Variants in SV2C observed in about 807,000 individuals in gnomAD.
SV2C encodes the protein synaptic vesicle glycoprotein 2C, also known as solute carrier family 22 member B3.
A neutral mutation model predicts 79.7 loss-of-function variants in SV2C; 49 were observed. The observed-to-expected ratio is 0.61, with a 90% CI of 0.49 to 0.78. The LOEUF (loss-of-function observed/expected upper bound fraction) is 0.78. SV2C is among the 30% of genes least tolerant of loss of function. The pLI, the probability that SV2C is intolerant of heterozygous loss-of-function variation, is 0.00. For synonymous variants in SV2C, 334 were observed against 333.2 expected, an observed-to-expected ratio of 1.00 and a Z score of -0.03; for missense variants, 833 against 912.9, an observed-to-expected ratio of 0.91 and a Z score of 1.13.
the SV2C span, among the ~76,000 whole-genome samples, chr5:75,999,391 G>GAC: frequency 2.2e-5 from 1 of 45,418 alleles, no homozygotes; most frequent in Non-Finnish European, 6.7e-5. Flanking sequence ...GAGAGAGAGA[G>GAC]AGAGAGAGAG....
At chr5:76,296,068 T>G in intron 9 of SV2C, 126 bp downstream of exon 9, 1 of 894,106 alleles carries the variant, frequency 1.1e-6, no homozygotes, top group Non-Finnish European at 1.6e-6. Context: ...TTTAGTCATT[T>G]TCATGATGAA....
At chr5:76,040,524 A>G in the SV2C span, among the ~76,000 whole-genome samples, 1 of 152,256 alleles carries the variant, frequency 6.6e-6, no homozygotes, top group South Asian at 2.1e-4. Flanking sequence ...GAAGTACAAT[A>G]TTAAATTCTG....
At chr5:76,308,725 C>T (rs919001042) in intron 12 of SV2C, among the ~76,000 whole-genome samples, 2 of 152,198 alleles carry the variant, frequency 1.3e-5, no homozygotes, top group East Asian at 3.8e-4. Context: ...CATCCCCAAG[C>T]TCCCTAGCAG....
the SV2C span, among the ~76,000 whole-genome samples, chr5:75,991,566 GATATATATATATATATATACACAC>G: frequency 1.4e-5 from 2 of 140,380 alleles, no homozygotes; most frequent in African/African-American, 5.3e-5. Context: ...TTCTTAGCAA[GATATATATATATATATATACACAC>G]ATATATATAT....
the SV2C span, among the ~76,000 whole-genome samples, chr5:75,886,562 T>A: frequency 6.6e-6 from 1 of 152,192 alleles, no homozygotes; most frequent in Non-Finnish European, 1.5e-5. Flanking sequence ...CCCTTTTGCT[T>A]GCTAAGATCC....
At chr5:76,041,349 C>T in the SV2C span, among the ~76,000 whole-genome samples, 1 of 152,148 alleles carries the variant, frequency 6.6e-6, no homozygotes, top group Middle Eastern at 3.2e-3. Flanking sequence ...CAAAGGGCCT[C>T]ATGCACATGT....
At chr5:76,018,340 T>G in the SV2C span, among the ~76,000 whole-genome samples, 14 of 152,288 alleles carry the variant, frequency 9.2e-5, no homozygotes, top group East Asian at 2.7e-3. Flanking sequence ...CCTAAAAAGT[T>G]AAGAAAATTT....
At chr5:75,894,551 T>G in the SV2C span, among the ~76,000 whole-genome samples, 4 of 152,092 alleles carry the variant, frequency 2.6e-5, no homozygotes, top group Admixed American at 2.6e-4. Flanking sequence ...TTGTCATTAT[T>G]TGACCTGTCT....
chr5:76,063,418 G>A, the SV2C span, among the ~76,000 whole-genome samples: 1 of 152,158 alleles, frequency 6.6e-6, no homozygotes, highest in Non-Finnish European at 1.5e-5. Flanking sequence ...CTGTGCTGCA[G>A]CTATTTACTG....
At chr5:76,011,943 T>A in the SV2C span, among the ~76,000 whole-genome samples, 1 of 152,050 alleles carries the variant, frequency 6.6e-6, no homozygotes, top group Admixed American at 6.6e-5. Context: ...CGTGAACTCA[T>A]TTTTTTTATG....
chr5:76,176,334 T>C (rs1211696937), intron 2 of SV2C, among the ~76,000 whole-genome samples: 1 of 152,260 alleles, frequency 6.6e-6, no homozygotes, highest in East Asian at 1.9e-4. Context: ...TGTTTCATCC[T>C]GTCTCAGAGC....
chr5:76,270,128 G>C (rs1328016602), intron 4 of SV2C, among the ~76,000 whole-genome samples: 1 of 152,202 alleles, frequency 6.6e-6, no homozygotes, highest in African/African-American at 2.4e-5. Flanking sequence ...ATGGGCAAAA[G>C]TGGATTGCAT....
intron 2 of SV2C, among the ~76,000 whole-genome samples, chr5:76,188,457 G>C (rs1374737278): frequency 6.6e-6 from 1 of 152,110 alleles, no homozygotes; most frequent in African/African-American, 2.4e-5. Context: ...GTTGGGGAAG[G>C]GTTCAGATCT....
intron 12 of SV2C, among the ~76,000 whole-genome samples, chr5:76,323,479 G>A (rs771039700): frequency 1.3e-5 from 2 of 152,190 alleles, no homozygotes; most frequent in Non-Finnish European, 2.9e-5. Context: ...ACAGTACAGC[G>A]ATTCCTCAAG....
rs1307311842 is a variant in SV2C at position 76,190,242 on chromosome 5, T to C, written c.581-4677T>C. 2.0e-5 allele frequency among the ~76,000 whole-genome samples: 3 copies of C among 152,134 alleles called. No homozygotes were observed. In the East Asian group the frequency reaches 5.8e-4, roughly 29 times the overall value. On this transcript the variant is annotated intron_variant, in intron 2 of 12. Transcript: ENST00000502798. Reference sequence around the variant, plus strand: ...ATAACAGGTCTAGGGACCACTGCAATGGGTTTTGCAGTATAAAAGAGAGAT... The same window carrying C: ...ATAACAGGTCTAGGGACCACTGCAACGGGTTTTGCAGTATAAAAGAGAGAT...
At chr5:75,853,693 T>C in the SV2C span, among the ~76,000 whole-genome samples, 14 of 146,186 alleles carry the variant, frequency 9.6e-5, no homozygotes, top group East Asian at 2.7e-3. Flanking sequence ...ATATTACAAA[T>C]TCATTGTCAA....
chr5:75,934,319 T>TTTTTTTTTTTTC, the SV2C span, among the ~76,000 whole-genome samples: 14 of 146,862 alleles, frequency 9.5e-5, no homozygotes, highest in African/African-American at 3.4e-4. Context: ...TTTTTTTTTT[T>TTTTTTTTTTTTC]CACTGTCGCT....
chr5:75,891,304 AT>A, the SV2C span, among the ~76,000 whole-genome samples: 8 of 152,116 alleles, frequency 5.3e-5, no homozygotes, highest in African/African-American at 1.9e-4. Context: ...ACTTTTGTCT[AT>A]CATGTGAGTT....
At chr5:75,975,012 C>G in the SV2C span, among the ~76,000 whole-genome samples, 14 of 152,130 alleles carry the variant, frequency 9.2e-5, no homozygotes, top group African/African-American at 3.4e-4. Flanking sequence ...ACTATTATAG[C>G]ATGCTGATTC....
Sources: gnomAD v4.1 joint callset for allele counts (sites outside exome capture counted in the v4.1 genomes callset) on GRCh38, gnomAD v4.1.1 for gene constraint, MANE v1.5 for transcripts, NCBI Gene and HGNC (gene_info 2026-07-23, HGNC 2026-07-21) for gene names.